TMEM135: variants seen among roughly 807,000 people sequenced by gnomAD.
TMEM135 encodes transmembrane protein 135, also known as peroxisomal membrane protein 52.
A neutral mutation model predicts 60.3 loss-of-function variants in TMEM135; 30 were observed. The ratio of observed to expected loss-of-function variants is 0.50; its 90% CI spans 0.37 to 0.68. The LOEUF (loss-of-function observed/expected upper bound fraction) is 0.68. Ranked by LOEUF, TMEM135 falls within the 30% of genes least tolerant of loss-of-function variation. The probability of loss-of-function intolerance (pLI) is 0.00; values close to 1 mark genes in which losing one functional copy is unlikely to be tolerated. For synonymous variants in TMEM135, 190 were observed against 186.7 expected, an observed-to-expected ratio of 1.02 and a Z score of -0.14; for missense variants, 468 against 548.8, an observed-to-expected ratio of 0.85 and a Z score of 1.47.
intron 1 of TMEM135, among the ~76,000 whole-genome samples, chr11:87,043,953 T>C (rs1276742945): frequency 6.6e-6 from 1 of 152,138 alleles, no homozygotes; most frequent in Non-Finnish European, 1.5e-5. Flanking sequence ...TAGTTGGTTT[T>C]CTTTAGGACC....
intron 5 of TMEM135, among the ~76,000 whole-genome samples, chr11:87,184,973 A>T (rs1049051804): frequency 1.3e-5 from 2 of 152,280 alleles, no homozygotes; most frequent in South Asian, 4.1e-4. Flanking sequence ...TTTTAAACTT[A>T]TACAAAAGTA....
At chr11:87,134,733 A>T (rs1193653571) in intron 4 of TMEM135, among the ~76,000 whole-genome samples, 1 of 152,078 alleles carries the variant, frequency 6.6e-6, no homozygotes, top group African/African-American at 2.4e-5. Context: ...TGACCCTCCC[A>T]CTTTGTCCTT....
chr11:87,216,020 A>T (rs1036642796), intron 5 of TMEM135, among the ~76,000 whole-genome samples: 2 of 152,144 alleles, frequency 1.3e-5, no homozygotes, highest in African/African-American at 2.4e-5. Context: ...TGTAACTTTT[A>T]TTATAGTATA....
chr11:87,150,637 C>G (rs1258039354), intron 4 of TMEM135, among the ~76,000 whole-genome samples: 1 of 152,108 alleles, frequency 6.6e-6, no homozygotes, highest in Non-Finnish European at 1.5e-5. Flanking sequence ...AATTGCCTCA[C>G]TTTTTATTTG....
In TMEM135 at chr11:87,323,534, G is replaced by A. The variant is rs1942862694; in HGVS notation, c.*2201G>A. On this transcript the variant is annotated 3_prime_UTR_variant, in exon 15 of 15. Coordinates refer to ENST00000305494, the MANE Select transcript of TMEM135 (RefSeq NM_022918.4). ...AATAGATCTCTGCATTCCAAAATATGTTTTTTAGTTTATTTATATCCTGAA... is the reference window on the plus strand; with the variant it reads ...AATAGATCTCTGCATTCCAAAATATATTTTTTAGTTTATTTATATCCTGAA... The A allele has an allele frequency of 2.2e-6, 1 of 452,804 alleles. No individual in the cohort carries two copies. The highest frequency in any genetic ancestry group is 2.0e-5 in the African/African-American group (1 of 49,810). 28.0% of individuals were successfully genotyped at this position (452,804 alleles called of 1,614,324 possible).
chr11:87,228,631 TACTC>T (rs1288762369), intron 5 of TMEM135, among the ~76,000 whole-genome samples: 1 of 152,116 alleles, frequency 6.6e-6, no homozygotes, highest in Non-Finnish European at 1.5e-5. Flanking sequence ...TCTTTGGAGA[TACTC>T]AAGAAGGAAT....
intron 4 of TMEM135, among the ~76,000 whole-genome samples, chr11:87,134,719 C>T (rs1413185608): frequency 6.6e-6 from 1 of 152,180 alleles, no homozygotes; most frequent in African/African-American, 2.4e-5. Flanking sequence ...CTCCTGGACT[C>T]AAGTGACCCT....
chr11:87,233,360 A>G (rs932139137), intron 5 of TMEM135, among the ~76,000 whole-genome samples: 51 of 152,144 alleles, frequency 3.4e-4, no homozygotes, highest in Admixed American at 1.4e-3. Context: ...GGAAACTATT[A>G]TATGCTGCCT....
intron 5 of TMEM135, among the ~76,000 whole-genome samples, chr11:87,206,468 A>G (rs185441727): frequency 9.2e-5 from 14 of 152,278 alleles, no homozygotes; most frequent in Admixed American, 9.2e-4. Context: ...CATGGTACAA[A>G]TTACTTCCAT....
chr11:87,160,603 A>G (rs2135272534), intron 5 of TMEM135, among the ~76,000 whole-genome samples: 1 of 152,300 alleles, frequency 6.6e-6, no homozygotes, highest in Non-Finnish European at 1.5e-5. Context: ...GAGTTTCCTA[A>G]TTTTTATTAG....
At chr11:87,259,067 G>T in intron 6 of TMEM135, 1 of 1,291,064 alleles carries the variant, frequency 7.7e-7, no homozygotes, top group Non-Finnish European at 1.1e-6. Flanking sequence ...GCCACAAAGA[G>T]GGAGAGAAAG....
At chr11:87,294,325 C>T (rs1200539614) in intron 6 of TMEM135, among the ~76,000 whole-genome samples, 1 of 152,080 alleles carries the variant, frequency 6.6e-6, no homozygotes, top group African/African-American at 2.4e-5. Flanking sequence ...TTATGCATTT[C>T]CTTTGTGGCC....
In TMEM135 at chr11:87,276,531, T is replaced by G. The variant is rs895490254; in HGVS notation, c.510-19251T>G. ...ATATATATATATATATACACACACA[T>G]ATATACTTAAGTTTATATAAGAGTG... On this transcript the variant is annotated intron_variant, in intron 6 of 14. Coordinates refer to ENST00000305494, the MANE Select transcript of TMEM135 (RefSeq NM_022918.4). 2.0e-5 allele frequency among the ~76,000 whole-genome samples: 3 copies of G among 151,400 alleles called. No individual in the cohort carries two copies. In the South Asian group the frequency reaches 6.2e-4, roughly 31 times the overall value.
chr11:87,130,795 C>A (rs1192830400), intron 4 of TMEM135, among the ~76,000 whole-genome samples: 5 of 152,062 alleles, frequency 3.3e-5, no homozygotes, highest in Admixed American at 6.5e-5. Flanking sequence ...AAACACTGTA[C>A]CAGGCTCATT....
chr11:87,091,232 G>C (rs941429193), intron 3 of TMEM135, 130 bp from the exon 4 acceptor site: 3 of 760,238 alleles, frequency 3.9e-6, no homozygotes, highest in Non-Finnish European at 6.3e-6. Flanking sequence ...TAATTTACCT[G>C]TTTTTCTAAG....
At chr11:87,175,389 T>C (rs965734084) in intron 5 of TMEM135, among the ~76,000 whole-genome samples, 19 of 152,212 alleles carry the variant, frequency 1.2e-4, no homozygotes, top group African/African-American at 4.1e-4. Context: ...AAAGTTGGTG[T>C]AGACCAAGAA....
At chr11:87,182,208 T>A (rs183923218) in intron 5 of TMEM135, among the ~76,000 whole-genome samples, 167 of 152,216 alleles carry the variant, frequency 1.1e-3, no homozygotes, top group African/African-American at 3.8e-3. Flanking sequence ...ATTAATATTA[T>A]GTGTGAACAG....
At chr11:87,312,021 A>G (rs1458300477) in intron 10 of TMEM135, among the ~76,000 whole-genome samples, 2 of 151,724 alleles carry the variant, frequency 1.3e-5, no homozygotes, top group Non-Finnish European at 2.9e-5. Flanking sequence ...TTTCTTTCTT[A>G]TAGAATCTGA....
intron 6 of TMEM135, among the ~76,000 whole-genome samples, chr11:87,250,999 G>A (rs371598664): frequency 2.0e-5 from 3 of 152,226 alleles, no homozygotes; most frequent in African/African-American, 7.2e-5. Flanking sequence ...GAGATATGAG[G>A]ATTGCTGCTT....
Sources: allele counts gnomAD v4.1 joint callset (sites outside exome capture counted in the v4.1 genomes callset), GRCh38; gene constraint gnomAD v4.1.1; transcripts MANE v1.5; gene names NCBI Gene and HGNC (gene_info 2026-07-23, HGNC 2026-07-21).